Variants in CHERP observed in about 807,000 individuals in gnomAD.
CHERP encodes the protein calcium homeostasis endoplasmic reticulum protein, also known as ERPROT 213-21.
A neutral mutation model predicts 113.8 loss-of-function variants in CHERP; 8 were observed. The observed-to-expected ratio is 0.07, with a 90% CI of 0.04 to 0.13. The LOEUF (loss-of-function observed/expected upper bound fraction) is 0.13, where lower values mean the gene tolerates loss of function less well. Among genes scored for constraint, CHERP ranks in the 10% least tolerant of loss-of-function variants. The probability of loss-of-function intolerance (pLI) is 1.00; values close to 1 mark genes in which losing one functional copy is unlikely to be tolerated. For missense variants in CHERP, 884 were observed against 1,298.2 expected (o/e 0.68, Z 4.90); for synonymous variants, 559 against 524.5 (o/e 1.07, Z -0.90).
chr19:16,522,955 C>G (rs560902781), intron 11 of CHERP, 97 bp downstream of exon 11: 6 of 1,391,732 alleles, frequency 4.3e-6, no homozygotes, highest in African/African-American at 3.0e-5. Flanking sequence ...AGGGGAGCCC[C>G]GGAAGGCACC....
Position 16,542,343 on chromosome 19 carries a change from T to A in CHERP, c.25+11A>T. ...AGAGAGAAACGGTCTCTCGGCCGGT[T>A]TGGGTCTCACCATCGGGGGGCAGCG... On this transcript the variant is annotated intron_variant, in intron 1 of 16. Transcript: ENST00000546361. 1 of 1,415,446 alleles carries A rather than the reference T, an allele frequency of 7.1e-7. No individual in the cohort carries two copies. The allele number at this position is 1,415,446 out of a possible 1,614,324, so 87.7% of individuals were successfully genotyped here. A position where few individuals can be genotyped will look rare whatever the true frequency, so the allele number is the denominator to read the frequency against.
chr19:16,523,331 G>A lies in CHERP; in HGVS notation c.1742-41C>T. ...TTGCCTCAGGACCACAGGCCAGTCAGGATCTCCCAGGCGACAAGTGCTGGA... is the reference window on the plus strand; with the variant it reads ...TTGCCTCAGGACCACAGGCCAGTCAAGATCTCCCAGGCGACAAGTGCTGGA... On this transcript the variant is annotated intron_variant, in intron 10 of 16. Transcript: ENST00000546361. This position sits in a 1 kb window ranked among gnomAD's most constrained non-coding sequence, Gnocchi z 4.0. 1 of 1,595,876 alleles carries A rather than the reference G, an allele frequency of 6.3e-7. No homozygotes were observed. Among genetic ancestry groups the A allele is most frequent in the African/African-American group, 1.4e-5 (1 of 73,526 alleles).
chr19:16,538,155 G>T (rs931616886), intron 2 of CHERP, among the ~76,000 whole-genome samples: 1 of 151,704 alleles, frequency 6.6e-6, no homozygotes, highest in East Asian at 1.9e-4. Flanking sequence ...CCAGGTCCCC[G>T]ACTCCTCCCC....
chr19:16,529,976 T>A, intron 7 of CHERP, 76 bp from the exon 8 acceptor site: 1 of 1,524,900 alleles, frequency 6.6e-7, no homozygotes. Context: ...GACAAACGCC[T>A]GGAAAGCAGC....
Position 16,523,190 on chromosome 19 carries a change from A to G in CHERP, c.1842T>C (p.Pro614=), listed in dbSNP as rs1443456401. The stretch of plus-strand genomic sequence containing the variant: ...GCTGCCCGTTGAAGCCATGGGGGGG[A>G]GGGCCGAAGTCAGGGTGCTGGGGTC... ...WAGPQHPDFG[P]PPHGFNGQPP... is the part of the protein sequence containing the mutation. Residue 614 remains proline, a synonymous_variant, in exon 11 of 17, where the codon CCT becomes CCC. Coordinates refer to ENST00000546361, the MANE Select transcript of CHERP (RefSeq NM_006387.6). This position sits in a 1 kb window ranked among gnomAD's most constrained non-coding sequence, Gnocchi z 4.0. 2 of 1,568,390 alleles carry G rather than the reference A, an allele frequency of 1.3e-6. No individual in the cohort carries two copies. Among genetic ancestry groups the G allele is most frequent in the South Asian group, 1.2e-5 (1 of 86,764 alleles).
chr19:16,537,209 C>T (rs2085746851), intron 2 of CHERP, among the ~76,000 whole-genome samples: 1 of 149,308 alleles, frequency 6.7e-6, no homozygotes, highest in African/African-American at 2.5e-5. Context: ...AGGACACCCT[C>T]ACTCAACTCA....
chr19:16,537,833 C>T (rs528910519), intron 2 of CHERP, among the ~76,000 whole-genome samples: 4 of 152,270 alleles, frequency 2.6e-5, no homozygotes, highest in South Asian at 2.1e-4. Flanking sequence ...CGGTGACAGA[C>T]GGTTATGGAA....
chr19:16,521,259 G>GC, intron 12 of CHERP: 1 of 568,198 alleles, frequency 1.8e-6, no homozygotes. Flanking sequence ...TGGGCTGAGG[G>GC]CCCTGTGGCA....
chr19:16,528,701 C>T (rs1186524951), intron 8 of CHERP, among the ~76,000 whole-genome samples: 1 of 152,210 alleles, frequency 6.6e-6, no homozygotes, highest in Non-Finnish European at 1.5e-5. Context: ...CGCCTGTAAT[C>T]CCAGCACTTT....
rs1195626794 is a variant in CHERP at position 16,518,427 on chromosome 19, T to TG, written c.*731_*732insC. 6.6e-6 allele frequency: 1 copy of TG among 152,076 alleles called. No homozygotes were observed. The highest frequency in any genetic ancestry group is 1.5e-5 in the Non-Finnish European group (1 of 68,034). 9.4% of individuals were successfully genotyped at this position (152,076 alleles called of 1,614,324 possible). A position where few individuals can be genotyped will look rare whatever the true frequency, so the allele number is the denominator to read the frequency against. ...TCCTGTTAGAATCTTGTTTCCCAGA[T>TG]AACAGCAAATGGCTACATTCCAGAA... On this transcript the variant is annotated 3_prime_UTR_variant, in exon 17 of 17. Transcript: ENST00000546361.
At position 16,535,724 on chromosome 19, in the gene CHERP, C is replaced by T; in HGVS notation, c.200-88G>A. The T allele has an allele frequency of 7.8e-7, 1 of 1,286,848 alleles. No individual in the cohort carries two copies. Among genetic ancestry groups the T allele is most frequent in the Non-Finnish European group, 1.0e-6 (1 of 963,196 alleles). 79.7% of individuals were successfully genotyped at this position (1,286,848 alleles called of 1,614,324 possible). On this transcript the variant is annotated intron_variant, in intron 2 of 16. Transcript: ENST00000546361. The surrounding 1 kb of genome is among the most constrained non-coding windows in gnomAD (Gnocchi z 4.3). The stretch of plus-strand genomic sequence containing the variant: ...GCCACCTCTCAGCCACAGGGGCCTC[C>T]CCCTCCCCAGGGACTCACCATCCAC...
chr19:16,529,683 G>A lies in CHERP; in HGVS notation c.1094C>T (p.Ala365Val). 6.4e-7 allele frequency: 1 copy of A among 1,563,896 alleles called. No individual in the cohort carries two copies. Among genetic ancestry groups the A allele is most frequent in the Non-Finnish European group, 8.6e-7 (1 of 1,159,866 alleles). The change falls in exon 8 of 17, where the codon GCA (alanine) becomes GTA (valine). Residue 365 changes from alanine (A) to valine (V), a missense_variant. Transcript: ENST00000546361. ...PPPPAPPPAPAPAPAIPPTTQ... is the reference protein window; with the variant it reads ...PPPPAPPPAPVPAPAIPPTTQ... ...GGTGGGCGGGATGGCAGGGGCAGGT[G>A]CTGGGGCCGGGGGTGGAGCAGGCGG...
chr19:16,521,016 G>T, intron 12 of CHERP, 104 bp from the exon 13 acceptor site: 1 of 989,598 alleles, frequency 1.0e-6, no homozygotes, highest in Non-Finnish European at 1.6e-6. Flanking sequence ...AGAGTACATG[G>T]CCCTGTGGCT....
intron 2 of CHERP, among the ~76,000 whole-genome samples, chr19:16,539,235 C>CAT (rs1450860913): frequency 6.6e-6 from 1 of 151,068 alleles, no homozygotes; most frequent in African/African-American, 2.4e-5. Context: ...GCAAGCTCTG[C>CAT]CTCCCAGGTT....
chr19:16,529,503 G>C, intron 8 of CHERP, 145 bp downstream of exon 8: 1 of 1,002,776 alleles, frequency 1.0e-6, no homozygotes, highest in East Asian at 2.6e-5. Flanking sequence ...CTTGTAAATG[G>C]ATGAAAACCT....
chr19:16,521,788 T>A (rs769269464), intron 11 of CHERP, 134 bp from the exon 12 acceptor site: 63 of 765,590 alleles, frequency 8.2e-5, no homozygotes, highest in Non-Finnish European at 1.1e-4. Flanking sequence ...GAGCTCCTCA[T>A]GCTTCCCTCT....
intron 2 of CHERP, among the ~76,000 whole-genome samples, chr19:16,536,214 G>A (rs893802065): frequency 2.0e-5 from 3 of 152,224 alleles, no homozygotes; most frequent in Non-Finnish European, 4.4e-5. Context: ...TGGGGACAGA[G>A]ACCCCTCTGC....
At chr19:16,531,140 C>T (rs889258970) in intron 5 of CHERP, among the ~76,000 whole-genome samples, 1 of 152,194 alleles carries the variant, frequency 6.6e-6, no homozygotes, top group Non-Finnish European at 1.5e-5. Context: ...GGTCCAGTCC[C>T]CTTGATAGGA....
chr19:16,531,560 C>T (rs1045346062), intron 5 of CHERP, among the ~76,000 whole-genome samples: 3 of 152,146 alleles, frequency 2.0e-5, no homozygotes, highest in African/African-American at 4.8e-5. Flanking sequence ...CTCAGCTTGC[C>T]GCAGGGGGCT....
Sources: gnomAD v4.1 joint callset for allele counts (sites outside exome capture counted in the v4.1 genomes callset) on GRCh38, gnomAD v4.1.1 for gene constraint, Gnocchi (gnomAD v3.1) non-coding constraint, MANE v1.5 for transcripts, NCBI Gene and HGNC (gene_info 2026-07-23, HGNC 2026-07-21) for gene names.